Variants in F2RL1 observed in about 807,000 individuals in gnomAD.
F2RL1 encodes proteinase-activated receptor 2.
F2RL1 carries 16 observed loss-of-function variants against 21.7 expected under a neutral mutation model. The observed-to-expected ratio is 0.74, with a 90% confidence interval of 0.50 to 1.12. The LOEUF is 1.12. F2RL1 is among the 50% of genes most tolerant of loss of function. The pLI is 0.00. For missense variants in F2RL1, 432 were observed against 477.8 expected, an observed-to-expected ratio of 0.90 and a Z score of 0.89; for synonymous variants, 181 against 186.7, an observed-to-expected ratio of 0.97 and a Z score of 0.25.
At chr5:76,830,877 C>A (rs1750337954) in intron 1 of F2RL1, among the ~76,000 whole-genome samples, 1 of 152,084 alleles carries the variant, frequency 6.6e-6, no homozygotes, top group Non-Finnish European at 1.5e-5. Flanking sequence ...TAGTGTAAAG[C>A]TTCTAGTGGA....
chr5:76,819,195 A>C lies in F2RL1; in HGVS notation c.13A>C (p.Ser5Arg). ...GGCTTCCAGGAGGATGCGGAGCCCC[A>C]GCGCGGCGTGGCTGCTGGGGGCCGC... MRSP[S>R]AAWLLGAAIL... The change falls in exon 1 of 2, where the codon AGC becomes CGC. Residue 5 changes from serine to arginine, a missense_variant. Coordinates refer to ENST00000296677, the MANE Select transcript of F2RL1 (RefSeq NM_005242.6). 6.3e-7 allele frequency: 1 copy of C among 1,586,400 alleles called. No individual in the cohort carries two copies.
intron 1 of F2RL1, among the ~76,000 whole-genome samples, chr5:76,829,021 C>G (rs146560375): frequency 4.4e-4 from 67 of 151,906 alleles, no homozygotes; most frequent in Middle Eastern, 3.4e-3. Context: ...GAAGCTGAGG[C>G]AGGAGAATTG....
At chr5:76,826,998 C>T (rs984322934) in intron 1 of F2RL1, among the ~76,000 whole-genome samples, 2 of 151,708 alleles carry the variant, frequency 1.3e-5, no homozygotes, top group African/African-American at 2.4e-5. Flanking sequence ...TACAAGTGTG[C>T]ACCACTATGC....
In F2RL1 at chr5:76,833,936, T is replaced by C. The variant is rs1750409913; in HGVS notation, c.*135T>C. 3 of 906,822 alleles carry C rather than the reference T, an allele frequency of 3.3e-6. No homozygotes were observed. The highest frequency in any genetic ancestry group is 5.0e-6 in the Non-Finnish European group (3 of 602,700). The allele number at this position is 906,822 out of a possible 1,614,324, so 56.2% of individuals were successfully genotyped here. On this transcript the variant is annotated 3_prime_UTR_variant, in exon 2 of 2. Transcript: ENST00000296677. ...TGGATGCAGCACCTCTCAGGATTGC[T>C]AGGAGCTCCCCTGTTTGCATGAGAA...
intron 1 of F2RL1, among the ~76,000 whole-genome samples, chr5:76,826,093 A>G (rs1561210513): frequency 6.6e-6 from 1 of 151,994 alleles, no homozygotes; most frequent in Non-Finnish European, 1.5e-5. Flanking sequence ...TGTTTCATCT[A>G]TTCCCAAACT....
At chr5:76,828,916 G>A (rs1475942644) in intron 1 of F2RL1, among the ~76,000 whole-genome samples, 1 of 152,050 alleles carries the variant, frequency 6.6e-6, no homozygotes, top group Non-Finnish European at 1.5e-5. Flanking sequence ...AGGAGTTCGA[G>A]ACCAGCTTGA....
intron 1 of F2RL1, among the ~76,000 whole-genome samples, chr5:76,825,762 T>G (rs188396692): frequency 6.6e-6 from 1 of 152,188 alleles, no homozygotes; most frequent in African/African-American, 2.4e-5. Flanking sequence ...TCGAGTAGCA[T>G]CTTGACATTT....
Position 76,819,142 on chromosome 5 carries a change from G to C in F2RL1, c.-41G>C. On this transcript the variant is annotated 5_prime_UTR_variant, in exon 1 of 2. Coordinates refer to ENST00000296677, the MANE Select transcript of F2RL1 (RefSeq NM_005242.6). ...GAGCTCTGAGTTTCGAATCGGCGGC[G>C]GCGGATTCCCCGCGCGCCCGGCGTC... is the stretch of plus-strand genomic sequence containing the variant. 1 of 1,527,350 alleles carries C rather than the reference G, an allele frequency of 6.5e-7. No individual in the cohort carries two copies. The highest frequency in any genetic ancestry group is 8.8e-7 in the Non-Finnish European group (1 of 1,135,172). The allele number at this position is 1,527,350 out of a possible 1,614,324, so 94.6% of individuals were successfully genotyped here. A position where few individuals can be genotyped will look rare whatever the true frequency, so the allele number is the denominator to read the frequency against.
In F2RL1 at chr5:76,832,775, A is replaced by G; in HGVS notation, c.168A>G (p.Glu56=). 6.2e-7 allele frequency: 1 copy of G among 1,614,220 alleles called. No homozygotes were observed. The highest frequency in any genetic ancestry group is 2.2e-5 in the East Asian group (1 of 44,888). Residue 56 remains glutamate (E), a synonymous_variant, in exon 2 of 2, where the codon GAA becomes GAG. Coordinates refer to ENST00000296677, the MANE Select transcript of F2RL1 (RefSeq NM_005242.6). ...SHVTGKGVTV[E]TVFSVDEFSA... is the part of the protein sequence containing the mutation. The stretch of plus-strand genomic sequence containing the variant: ...TCACTGGAAAAGGAGTTACAGTTGA[A>G]ACAGTCTTTTCTGTGGATGAGTTTT...
At chr5:76,827,209 T>C (rs1442746920) in intron 1 of F2RL1, among the ~76,000 whole-genome samples, 2 of 148,976 alleles carry the variant, frequency 1.3e-5, no homozygotes, top group Non-Finnish European at 3.0e-5. Context: ...TGGCTGGGCG[T>C]GGTGGCTCAC....
At chr5:76,827,910 T>A (rs1750274620) in intron 1 of F2RL1, among the ~76,000 whole-genome samples, 1 of 152,174 alleles carries the variant, frequency 6.6e-6, no homozygotes, top group Non-Finnish European at 1.5e-5. Flanking sequence ...TAGGAACTCT[T>A]TAACCATTTG....
intron 1 of F2RL1, 90 bp downstream of exon 1, chr5:76,819,354 G>A (rs1198073183): frequency 2.6e-6 from 3 of 1,136,608 alleles, no homozygotes; most frequent in Admixed American, 2.5e-5. Flanking sequence ...GCAGGTGTGC[G>A]AAGGCTGTTC....
At chr5:76,823,899 G>C (rs1750188009) in intron 1 of F2RL1, among the ~76,000 whole-genome samples, 1 of 145,530 alleles carries the variant, frequency 6.9e-6, no homozygotes. Context: ...TGTAAGCTCT[G>C]CCTCCCGGGT....
chr5:76,828,015 G>C (rs1290679558), intron 1 of F2RL1, among the ~76,000 whole-genome samples: 1 of 151,630 alleles, frequency 6.6e-6, no homozygotes, highest in Non-Finnish European at 1.5e-5. Context: ...TGTCGCCCAG[G>C]CTGGAGTGCA....
chr5:76,829,252 T>TTCG (rs1750303777), intron 1 of F2RL1, among the ~76,000 whole-genome samples: 1 of 92,888 alleles, frequency 1.1e-5, no homozygotes, highest in Non-Finnish European at 2.1e-5. Context: ...ACCTTTGTTC[T>TTCG]TCTTCTTCTT....
chr5:76,821,561 T>G (rs1750136182), intron 1 of F2RL1, among the ~76,000 whole-genome samples: 1 of 143,128 alleles, frequency 7.0e-6, no homozygotes, highest in African/African-American at 2.8e-5. Flanking sequence ...GTTTGGTGGT[T>G]TTTTTTTGTT....
chr5:76,821,613 G>A (rs1349681585), intron 1 of F2RL1, among the ~76,000 whole-genome samples: 1 of 127,128 alleles, frequency 7.9e-6, no homozygotes, highest in Admixed American at 9.5e-5. Flanking sequence ...ACTCTCATTC[G>A]GTTGCCCAGG....
In F2RL1 at chr5:76,833,241, G is replaced by A. The variant is rs972845310; in HGVS notation, c.634G>A (p.Val212Met). The A allele has an allele frequency of 5.0e-6, 8 of 1,613,434 alleles. No homozygotes were observed. The highest frequency in any genetic ancestry group is 1.6e-4 in the Middle Eastern group (1 of 6,082). ...GCTGGTCACCATTCCTTTGTATGTC[G>A]TGAAGCAGACCATCTTCATTCCTGC... ...ILLVTIPLYV[V>M]KQTIFIPALN... Residue 212 changes from valine (V) to methionine (M), a missense_variant, in exon 2 of 2, where the codon GTG (valine) becomes ATG (methionine). Val to Met is a conservative substitution (Grantham distance 21). Transcript: ENST00000296677.
chr5:76,824,394 T>C (rs1205704441), intron 1 of F2RL1, among the ~76,000 whole-genome samples: 4 of 151,516 alleles, frequency 2.6e-5, no homozygotes, highest in Non-Finnish European at 4.4e-5. Flanking sequence ...TGCAGTGGTG[T>C]GATCTCAGCT....
Sources: gnomAD v4.1 joint callset for allele counts (sites outside exome capture counted in the v4.1 genomes callset) on GRCh38, gnomAD v4.1.1 for gene constraint, MANE v1.5 for transcripts, NCBI Gene and HGNC (gene_info 2026-07-23, HGNC 2026-07-21) for gene names.